Variants in KCNK10 observed in about 807,000 individuals in gnomAD.
KCNK10 encodes the protein potassium two pore domain channel subfamily K member 10, also known as potassium channel subfamily K member 10.
A neutral mutation model predicts 47.7 loss-of-function variants in KCNK10; 25 were observed. The observed-to-expected ratio is 0.52, with a 90% CI of 0.38 to 0.73. The LOEUF is 0.73. Among genes scored for constraint, KCNK10 ranks in the 30% least tolerant of loss-of-function variants. KCNK10 has a pLI of 0.00. For missense variants in KCNK10, 563 were observed against 714.5 expected (o/e 0.79, Z 2.42); for synonymous variants, 303 against 285.6 (o/e 1.06, Z -0.61).
chr14:88,187,844 GC>G, intron 6 of KCNK10, 122 bp downstream of exon 6: 5 of 815,654 alleles, frequency 6.1e-6, no homozygotes, highest in Admixed American at 2.1e-5. Flanking sequence ...CCTATGACCC[GC>G]CCCCCGCTCC....
chr14:88,264,634 TG>T (rs1887205836), intron 1 of KCNK10, among the ~76,000 whole-genome samples: 2 of 152,218 alleles, frequency 1.3e-5, no homozygotes, highest in Non-Finnish European at 2.9e-5. Flanking sequence ...TGTAAACATC[TG>T]CCTCTCCTCC....
Position 88,322,839 on chromosome 14 carries a change from A to ATG in KCNK10, c.-42_-41insCA. 4 of 1,614,016 alleles carry ATG rather than the reference A, an allele frequency of 2.5e-6. No individual in the cohort carries two copies. Among genetic ancestry groups the ATG allele is most frequent in the Non-Finnish European group, 3.4e-6 (4 of 1,179,936 alleles). ...AAGGGGAAGAAATGAAAAGAACCCA[A>ATG]ATAATAATAAAGTCCTCAAGCTTTA... On this transcript the variant is annotated 5_prime_UTR_variant, in exon 1 of 7. Coordinates refer to ENST00000319231, the MANE Select transcript of KCNK10 (RefSeq NM_138317.3). The surrounding 1 kb of genome is among the most constrained non-coding windows in gnomAD (Gnocchi z 4.8).
chr14:88,195,270 C>T (rs1295457659), intron 4 of KCNK10, among the ~76,000 whole-genome samples: 1 of 152,192 alleles, frequency 6.6e-6, no homozygotes, highest in Non-Finnish European at 1.5e-5. Context: ...GTTTCTCAAC[C>T]TCTCTGTGCA....
chr14:88,263,123 A>T, intron 2 of KCNK10, 79 bp downstream of exon 2: 6 of 1,185,248 alleles, frequency 5.1e-6, no homozygotes, highest in Non-Finnish European at 7.1e-6. Flanking sequence ...TGAAGGCAAG[A>T]CTAGAGACCC....
At chr14:88,267,425 C>T (rs1206871794) in intron 1 of KCNK10, among the ~76,000 whole-genome samples, 1 of 151,146 alleles carries the variant, frequency 6.6e-6, no homozygotes, top group African/African-American at 2.4e-5. Flanking sequence ...GGCTGGAGTG[C>T]AGTGGCACAA....
intron 4 of KCNK10, among the ~76,000 whole-genome samples, chr14:88,226,311 T>G (rs1025372540): frequency 6.6e-6 from 1 of 152,210 alleles, no homozygotes; most frequent in Non-Finnish European, 1.5e-5. Context: ...ACTGCTCATC[T>G]GAAAGCTCCC....
chr14:88,240,052 A>G (rs1443243393), intron 3 of KCNK10, among the ~76,000 whole-genome samples: 1 of 152,190 alleles, frequency 6.6e-6, no homozygotes, highest in Non-Finnish European at 1.5e-5. Flanking sequence ...GAAAGCATTT[A>G]TCTAGTCAAA....
At chr14:88,303,131 C>T (rs770931492) in intron 1 of KCNK10, among the ~76,000 whole-genome samples, 6 of 152,116 alleles carry the variant, frequency 3.9e-5, no homozygotes, top group Admixed American at 1.3e-4. Flanking sequence ...TGCTTTTAGA[C>T]GACATAATAT....
chr14:88,231,523 C>A (rs560535607), intron 3 of KCNK10, among the ~76,000 whole-genome samples: 2 of 152,158 alleles, frequency 1.3e-5, no homozygotes, highest in Non-Finnish European at 2.9e-5. Context: ...TTGGTAAGAA[C>A]CTGATCGCTC....
At chr14:88,304,329 A>C (rs959600332) in intron 1 of KCNK10, among the ~76,000 whole-genome samples, 1 of 152,162 alleles carries the variant, frequency 6.6e-6, no homozygotes, top group East Asian at 1.9e-4. Flanking sequence ...AAACAAAATA[A>C]AATGAAATAA....
intron 1 of KCNK10, among the ~76,000 whole-genome samples, chr14:88,276,207 G>C (rs1343163988): frequency 6.9e-6 from 1 of 145,598 alleles, no homozygotes; most frequent in Non-Finnish European, 1.5e-5. Context: ...TTTGGGGGGT[G>C]ATTAGATGGT....
rs372506756 is a variant in KCNK10, at chr14:88,182,036, G to GCACACACACACA, written c.*3487_*3498dup. ...AGATGGCCCAACACCACCCCAACCCGCACACACACACACACACACACACAC... is the reference window on the plus strand; with the variant it reads ...AGATGGCCCAACACCACCCCAACCCGCACACACACACACACACACACACACACACACACACAC... On this transcript the variant is annotated 3_prime_UTR_variant, in exon 7 of 7. Coordinates refer to ENST00000319231, the MANE Select transcript of KCNK10 (RefSeq NM_138317.3). The GCACACACACACA allele has an allele frequency of 2.9e-5, 4 of 137,150 alleles. No individual in the cohort carries two copies. The highest frequency in any genetic ancestry group is 7.3e-5 in the Admixed American group (1 of 13,650). The allele number at this position is 137,150 out of a possible 1,614,324, so 8.5% of individuals were successfully genotyped here.
intron 1 of KCNK10, among the ~76,000 whole-genome samples, chr14:88,312,651 TG>T (rs2139801570): frequency 6.6e-6 from 1 of 152,328 alleles, no homozygotes; most frequent in Admixed American, 6.5e-5. Context: ...GTAAGAGAAG[TG>T]GGACCATGAG....
At chr14:88,304,372 T>C (rs972702506) in intron 1 of KCNK10, among the ~76,000 whole-genome samples, 1 of 152,158 alleles carries the variant, frequency 6.6e-6, no homozygotes, top group Non-Finnish European at 1.5e-5. Flanking sequence ...CTTATTGTAA[T>C]GAAGTAAGAA....
chr14:88,323,601 A>G, upstream of KCNK10: 1 of 151,150 alleles, frequency 6.6e-6, no homozygotes, highest in Non-Finnish European at 1.5e-5. Context: ...GTGGCGGGGA[A>G]GCCGCGGAGG....
rs557828007 is a variant in KCNK10, at chr14:88,193,621, G to A, written c.682-1211C>T. ...TTGGGGCAATCAATATAGGAAATCC[G>A]TACCATGAGACCTGCATCCTCTTCA... On this transcript the variant is annotated intron_variant, in intron 4 of 6. Transcript: ENST00000319231. 1.3e-3 allele frequency among the ~76,000 whole-genome samples: 205 copies of A among 152,208 alleles called. 3 individuals carry two copies. Among genetic ancestry groups the A allele is most frequent in the Non-Finnish European group, 2.3e-3 (159 of 68,016 alleles).
chr14:88,192,654 A>C (rs2139828094), intron 4 of KCNK10, among the ~76,000 whole-genome samples: 1 of 152,332 alleles, frequency 6.6e-6, no homozygotes, highest in African/African-American at 2.4e-5. Context: ...TCAAACAAAC[A>C]AAAAAATCCT....
intron 4 of KCNK10, among the ~76,000 whole-genome samples, chr14:88,220,733 T>G (rs1885781959): frequency 6.6e-6 from 1 of 151,874 alleles, no homozygotes; most frequent in African/African-American, 2.4e-5. Flanking sequence ...CATACCTACA[T>G]GTAAAATGCA....
At chr14:88,229,475 G>GTATTAT (rs33913726) in intron 3 of KCNK10, among the ~76,000 whole-genome samples, 15 of 151,388 alleles carry the variant, frequency 9.9e-5, no homozygotes, top group South Asian at 6.3e-4. Context: ...CCAATGCAAA[G>GTATTAT]TATTATTATT....
Sources: gnomAD v4.1 joint callset for allele counts (sites outside exome capture counted in the v4.1 genomes callset) on GRCh38, gnomAD v4.1.1 for gene constraint, Gnocchi (gnomAD v3.1) non-coding constraint, MANE v1.5 for transcripts, NCBI Gene and HGNC (gene_info 2026-07-23, HGNC 2026-07-21) for gene names.